TANK: variants seen among roughly 807,000 people sequenced by gnomAD.
The protein encoded by TANK is TRAF family member associated NFKB activator, also known as TRAF family member-associated NF-kappa-B activator.
In TANK, 15 loss-of-function variants were observed where a neutral mutation model predicts 43.6. The ratio of observed to expected loss-of-function variants is 0.34; its 90% CI spans 0.23 to 0.53. The LOEUF (loss-of-function observed/expected upper bound fraction) is 0.53. Among genes scored for constraint, TANK ranks in the 20% least tolerant of loss-of-function variants. TANK has a pLI of 0.94. For missense variants in TANK, 417 were observed against 498.6 expected, an observed-to-expected ratio of 0.84 and a Z score of 1.56; for synonymous variants, 162 against 178.2, an observed-to-expected ratio of 0.91 and a Z score of 0.73.
intron 7 of TANK, among the ~76,000 whole-genome samples, chr2:161,232,267 G>A (rs1395115129): frequency 2.0e-5 from 3 of 152,038 alleles, no homozygotes; most frequent in East Asian, 3.8e-4. Flanking sequence ...AAAGTTTAAT[G>A]TCTGAAAGCA....
chr2:161,203,128 A>G, intron 2 of TANK: 1 of 247,850 alleles, frequency 4.0e-6, no homozygotes, highest in Non-Finnish European at 8.0e-6. Flanking sequence ...TTTTTAAAGA[A>G]TCACTTTAAT....
At chr2:161,157,559 A>C (rs964588933), upstream of TANK, among the ~76,000 whole-genome samples, 2 of 152,254 alleles carry the variant, frequency 1.3e-5, no homozygotes, top group African/African-American at 4.8e-5. Flanking sequence ...GATATTGCAC[A>C]TCAAAGATTT....
At chr2:161,189,190 G>T (rs1449141091) in intron 2 of TANK, among the ~76,000 whole-genome samples, 1 of 152,120 alleles carries the variant, frequency 6.6e-6, no homozygotes, top group Non-Finnish European at 1.5e-5. Flanking sequence ...TACATATCAT[G>T]ACAAAGTGAG....
intron 2 of TANK, chr2:161,200,450 G>A (rs1199021699): frequency 1.0e-6 from 1 of 966,108 alleles, no homozygotes. Flanking sequence ...TTTCCAAATA[G>A]CAAATAAACC....
chr2:161,225,806 T>G (rs1687585490), intron 6 of TANK, among the ~76,000 whole-genome samples: 1 of 152,204 alleles, frequency 6.6e-6, no homozygotes. Flanking sequence ...TAAAATCATT[T>G]TATAGTGTAA....
chr2:161,149,077 G>C (rs903260944), intron 1 of TANK, among the ~76,000 whole-genome samples: 4 of 152,122 alleles, frequency 2.6e-5, no homozygotes, highest in Non-Finnish European at 4.4e-5. Context: ...AGATCAATTT[G>C]TGGAGTACTG....
chr2:161,219,479 C>T (rs1327213410), intron 4 of TANK, among the ~76,000 whole-genome samples: 1 of 152,160 alleles, frequency 6.6e-6, no homozygotes, highest in African/African-American at 2.4e-5. Flanking sequence ...ATTTGTGTTT[C>T]TCTTGCTTTG....
intron 1 of TANK, among the ~76,000 whole-genome samples, chr2:161,146,794 C>T (rs1328995209): frequency 5.3e-5 from 8 of 152,096 alleles, no homozygotes; most frequent in African/African-American, 1.9e-4. Context: ...AGGGTCTCAC[C>T]CAGTTGGGTG....
chr2:161,187,560 T>C (rs572109345), intron 2 of TANK, among the ~76,000 whole-genome samples: 2 of 152,172 alleles, frequency 1.3e-5, no homozygotes, highest in Admixed American at 6.5e-5. Context: ...CTCCAAAGTA[T>C]ATGAAGCAAG....
At chr2:161,227,219 A>G (rs926031907) in intron 6 of TANK, 1 of 152,234 alleles carries the variant, frequency 6.6e-6, no homozygotes, top group Admixed American at 6.5e-5. Context: ...GATTATTTTA[A>G]TGTGGCTGAG....
intron 1 of TANK, among the ~76,000 whole-genome samples, chr2:161,178,162 A>G (rs983655541): frequency 3.9e-5 from 6 of 152,136 alleles, no homozygotes; most frequent in Non-Finnish European, 7.4e-5. Context: ...ACTTCTAGGT[A>G]TATATCTGAA....
intron 1 of TANK, chr2:161,161,249 C>A: frequency 6.5e-7 from 1 of 1,548,550 alleles, no homozygotes; most frequent in East Asian, 2.4e-5. Context: ...GTAAAGCAGC[C>A]TTGCTATGTA....
intron 4 of TANK, chr2:161,212,835 G>T: frequency 1.1e-6 from 1 of 917,214 alleles, no homozygotes; most frequent in Non-Finnish European, 1.3e-6. Flanking sequence ...CTCCATCTTA[G>T]TCTGTATTGC....
At chr2:161,194,680 T>C (rs1332819599) in intron 2 of TANK, among the ~76,000 whole-genome samples, 1 of 152,182 alleles carries the variant, frequency 6.6e-6, no homozygotes, top group Admixed American at 6.5e-5. Context: ...CCATGTGAAA[T>C]GTAAACCTTT....
At chr2:161,203,759 T>C (rs752769601) in intron 3 of TANK, among the ~76,000 whole-genome samples, 164 bp downstream of exon 3, 16 of 152,180 alleles carry the variant, frequency 1.1e-4, no homozygotes, top group African/African-American at 2.7e-4. Context: ...ACTTGCAGGA[T>C]ATGGGAAAGT....
chr2:161,232,689 G>A, intron 7 of TANK: 1 of 1,527,458 alleles, frequency 6.5e-7, no homozygotes, highest in Non-Finnish European at 8.8e-7. Context: ...TCTAATGCTT[G>A]TTACTTTTTT....
chr2:161,183,281 G>T (rs1685512678), intron 2 of TANK, among the ~76,000 whole-genome samples: 1 of 152,156 alleles, frequency 6.6e-6, no homozygotes, highest in Non-Finnish European at 1.5e-5. Context: ...TTCATTAGGG[G>T]TGGATAGGAG....
In TANK at chr2:161,218,162, G is replaced by A. The variant is rs1267035; in HGVS notation, c.328-5753G>A. On this transcript the variant is annotated intron_variant, in intron 4 of 7. Coordinates refer to ENST00000392749, the MANE Select transcript of TANK (RefSeq NM_001199135.3). ...ATTTGTACGATACATCCTTGAGAAC[G>A]CAGCAAAAAAAAGGCTATACCAAAG... 1.1e-3 allele frequency among the ~76,000 whole-genome samples: 161 copies of A among 151,926 alleles called. 1 individual carries two copies. The highest frequency in any genetic ancestry group is 3.7e-3 in the African/African-American group (155 of 41,412).
intron 1 of TANK, among the ~76,000 whole-genome samples, chr2:161,141,658 G>GATCTC (rs1683750487): frequency 6.6e-6 from 1 of 152,156 alleles, no homozygotes; most frequent in Admixed American, 6.6e-5. Flanking sequence ...CAAAGGACAT[G>GATCTC]ATCTCATTCT....
Sources: allele counts gnomAD v4.1 joint callset (sites outside exome capture counted in the v4.1 genomes callset), GRCh38; gene constraint gnomAD v4.1.1; transcripts MANE v1.5; gene names NCBI Gene and HGNC (gene_info 2026-07-23, HGNC 2026-07-21).